Variants in LYSMD1 observed in about 807,000 individuals in gnomAD.
LYSMD1 encodes the protein LysM domain containing 1.
A neutral mutation model predicts 19.3 loss-of-function variants in LYSMD1; 9 were observed. The ratio of observed to expected loss-of-function variants is 0.47; its 90% CI spans 0.28 to 0.81. The LOEUF is 0.81. Among genes scored for constraint, LYSMD1 ranks in the 40% least tolerant of loss-of-function variants. LYSMD1 has a pLI of 0.11. For missense variants in LYSMD1, 262 were observed against 279.8 expected, an observed-to-expected ratio of 0.94 and a Z score of 0.45; for synonymous variants, 111 against 111.7, an observed-to-expected ratio of 0.99 and a Z score of 0.04.
intron 1 of LYSMD1, among the ~76,000 whole-genome samples, chr1:151,162,959 G>A (rs1224566871): frequency 1.3e-5 from 2 of 152,102 alleles, no homozygotes; most frequent in East Asian, 3.9e-4. Flanking sequence ...ACCCACCTAT[G>A]GCTCCGCACT....
downstream of LYSMD1, chr1:151,159,259 T>C (rs1683348606): frequency 1.9e-6 from 3 of 1,608,124 alleles, no homozygotes; most frequent in Non-Finnish European, 2.6e-6. Flanking sequence ...CTGAGAGCCC[T>C]GAGCCTAGCA....
chr1:151,164,038 T>C (rs1683558469), intron 1 of LYSMD1, among the ~76,000 whole-genome samples: 1 of 150,750 alleles, frequency 6.6e-6, no homozygotes, highest in Non-Finnish European at 1.5e-5. Context: ...GGATTACAGG[T>C]GAGCACCACC....
rs1360844531 is a variant in LYSMD1, at chr1:151,165,121, G to A, written c.138C>T (p.Pro46=). The A allele has an allele frequency of 5.6e-6, 9 of 1,613,964 alleles. No homozygotes were observed. Among genetic ancestry groups the A allele is most frequent in the Non-Finnish European group, 6.8e-6 (8 of 1,179,990 alleles). ...RERRLEHQLE[P]GDTLAGLALK... ...GTGCTAGTCCAGCCAGGGTGTCTCC[G>A]GGCTCCAACTGATGCTCCAGGCGTC... The change falls in exon 1 of 3, where the codon CCC becomes CCT. Residue 46 remains proline, a synonymous_variant. Transcript: ENST00000368908.
At chr1:151,159,426 G>T, downstream of LYSMD1, 2 of 671,744 alleles carry the variant, frequency 3.0e-6, no homozygotes, top group South Asian at 2.0e-5. Flanking sequence ...AGCTAGTGGA[G>T]AAGGAGCAAT....
intron 1 of LYSMD1, among the ~76,000 whole-genome samples, chr1:151,163,216 T>C (rs1683515126): frequency 6.6e-6 from 1 of 152,056 alleles, no homozygotes; most frequent in South Asian, 2.1e-4. Context: ...ATCACTCCCT[T>C]TGTGCTACCT....
downstream of LYSMD1, chr1:151,159,488 C>G (rs1683358337): frequency 2.0e-6 from 1 of 495,870 alleles, no homozygotes; most frequent in Non-Finnish European, 3.8e-6. Context: ...GGAAACAGAA[C>G]TGCCTGAAAA....
chr1:151,153,964 A>G, the LYSMD1 span, among the ~76,000 whole-genome samples: 1 of 152,018 alleles, frequency 6.6e-6, no homozygotes, highest in African/African-American at 2.4e-5. Flanking sequence ...ATTGAAGAAA[A>G]AAAAAAAAAT....
Position 151,165,348 on chromosome 1 carries a change from C to G in LYSMD1, c.-90G>C, listed in dbSNP as rs587776233. On this transcript the variant is annotated 5_prime_UTR_variant, in exon 1 of 3. Transcript: ENST00000368908. ...GGCCTGAAGTCTGGGAATGAATATT[C>G]AGGGGATTCCTTTCCCCCTCTCTCT... The G allele has an allele frequency of 1.7e-5, 26 of 1,530,518 alleles. No individual in the cohort carries two copies. Among genetic ancestry groups the G allele is most frequent in the Non-Finnish European group, 2.3e-5 (26 of 1,139,494 alleles). 94.8% of individuals were successfully genotyped at this position (1,530,518 alleles called of 1,614,324 possible). A position where few individuals can be genotyped will look rare whatever the true frequency, so the allele number is the denominator to read the frequency against.
chr1:151,149,070 T>A, the LYSMD1 span, among the ~76,000 whole-genome samples: 1 of 152,190 alleles, frequency 6.6e-6, no homozygotes, highest in Non-Finnish European at 1.5e-5. Flanking sequence ...TACATGAATC[T>A]GAGAGCTATT....
downstream of LYSMD1, among the ~76,000 whole-genome samples, chr1:151,155,937 C>G (rs1313550933): frequency 2.0e-5 from 3 of 151,584 alleles, no homozygotes; most frequent in African/African-American, 7.3e-5. Context: ...ACCGTCTCTA[C>G]TAAAAATACA....
At chr1:151,148,970 GAC>G in the LYSMD1 span, among the ~76,000 whole-genome samples, 1 of 152,164 alleles carries the variant, frequency 6.6e-6, no homozygotes, top group Non-Finnish European at 1.5e-5. Flanking sequence ...TAAGCAAGAA[GAC>G]AGAGACCTAC....
chr1:151,151,400 C>T, the LYSMD1 span, among the ~76,000 whole-genome samples: 79 of 150,406 alleles, frequency 5.3e-4, no homozygotes, highest in Non-Finnish European at 6.8e-4. Flanking sequence ...AGGGTTTCAC[C>T]GTGTTAGCCA....
At position 151,162,082 on chromosome 1, in the gene LYSMD1, C is replaced by A. The variant is rs1250369861; in HGVS notation, c.199G>T (p.Ala67Ser). 5.0e-6 allele frequency: 8 copies of A among 1,593,498 alleles called. No homozygotes were observed. In the South Asian group the frequency reaches 8.0e-5, roughly 16 times the overall value. The stretch of plus-strand genomic sequence containing the variant: ...GAGTCATTAGTATAAAGGCGGTTTG[C>A]ACGTTTAATCTGTTCCATCTTAAAA... Reference protein sequence around the residue: ...YGVTMEQIKRANRLYTNDSIF... With the variant: ...YGVTMEQIKRSNRLYTNDSIF... Residue 67 changes from alanine (A) to serine (S), a missense_variant, in exon 2 of 3, where the codon GCA becomes TCA. Ala to Ser is a moderately conservative substitution (Grantham distance 99). Coordinates refer to ENST00000368908, the MANE Select transcript of LYSMD1 (RefSeq NM_212551.5).
chr1:151,152,560 C>T, the LYSMD1 span, among the ~76,000 whole-genome samples: 6 of 150,438 alleles, frequency 4.0e-5, no homozygotes, highest in African/African-American at 1.2e-4. Context: ...ATTAGCCGGG[C>T]GTGGGGGTGC....
rs769031385 is a variant in LYSMD1, at chr1:151,161,944, T to A, written c.337A>T (p.Asn113Tyr). The A allele has an allele frequency of 1.4e-5, 22 of 1,614,048 alleles. No individual in the cohort carries two copies. The highest frequency in any genetic ancestry group is 2.7e-5 in the African/African-American group (2 of 74,906). The change falls in exon 2 of 3, where the codon AAC (asparagine) becomes TAC (tyrosine). Residue 113 changes from asparagine to tyrosine, a missense_variant. Coordinates refer to ENST00000368908, the MANE Select transcript of LYSMD1 (RefSeq NM_212551.5). Reference sequence around the variant, plus strand: ...GTTGAGTGTGGCCAAACTTCACTGTTACTTGGGTGTACTTTTTCCTCTCCA... The same window carrying A: ...GTTGAGTGTGGCCAAACTTCACTGTAACTTGGGTGTACTTTTTCCTCTCCA... ...KDGEEKVHPS[N>Y]SEVWPHSTER...
the LYSMD1 span, among the ~76,000 whole-genome samples, chr1:151,151,611 T>C: frequency 7.9e-5 from 12 of 151,938 alleles, no homozygotes; most frequent in African/African-American, 1.9e-4. Context: ...TCCATTTGGA[T>C]TTTTCATGTT....
the LYSMD1 span, among the ~76,000 whole-genome samples, chr1:151,148,965 A>G: frequency 6.6e-6 from 1 of 152,190 alleles, no homozygotes; most frequent in Non-Finnish European, 1.5e-5. Context: ...TTTTTTAAGC[A>G]AGAAGACAGA....
Position 151,161,871 on chromosome 1 carries a change from A to G in LYSMD1, c.410T>C (p.Val137Ala). The G allele has an allele frequency of 6.2e-7, 1 of 1,613,872 alleles. No individual in the cohort carries two copies. Among genetic ancestry groups the G allele is most frequent in the South Asian group, 1.1e-5 (1 of 91,060 alleles). The change falls in exon 2 of 3, where the codon GTC (valine) becomes GCC (alanine). Residue 137 changes from valine (V) to alanine (A), a missense_variant. Coordinates refer to ENST00000368908, the MANE Select transcript of LYSMD1 (RefSeq NM_212551.5). Reference protein sequence around the residue: ...ETGAGRANGEVLPTPGQETPT... With the variant: ...ETGAGRANGEALPTPGQETPT... Reference sequence around the variant, plus strand: ...GGTTTCCTGGCCAGGTGTGGGGAGGACTTCACCATTGGCACGTCCTGCTCC... The same window carrying G: ...GGTTTCCTGGCCAGGTGTGGGGAGGGCTTCACCATTGGCACGTCCTGCTCC...
chr1:151,163,478 G>C (rs1558202105), intron 1 of LYSMD1, among the ~76,000 whole-genome samples: 2 of 152,052 alleles, frequency 1.3e-5, no homozygotes, highest in South Asian at 4.2e-4. Flanking sequence ...ATCATAATTA[G>C]ATAATGAAAT....
Sources: allele counts gnomAD v4.1 joint callset (sites outside exome capture counted in the v4.1 genomes callset), GRCh38; gene constraint gnomAD v4.1.1; transcripts MANE v1.5; gene names NCBI Gene and HGNC (gene_info 2026-07-23, HGNC 2026-07-21).